Variants in CCSER1 observed in about 807,000 individuals in gnomAD.
CCSER1 encodes serine-rich coiled-coil domain-containing protein 1.
In CCSER1, 41 loss-of-function variants were observed where a neutral mutation model predicts 82.0. The ratio of observed to expected loss-of-function variants is 0.50; its 90% CI spans 0.39 to 0.65. The LOEUF (loss-of-function observed/expected upper bound fraction) is 0.65, where lower values mean the gene tolerates loss of function less well. Among genes scored for constraint, CCSER1 ranks in the 30% least tolerant of loss-of-function variants. The pLI, the probability that CCSER1 is intolerant of heterozygous loss-of-function variation, is 0.00. For synonymous variants in CCSER1, 414 were observed against 383.9 expected (o/e 1.08, Z -0.92); for missense variants, 1,119 against 1,064.2 (o/e 1.05, Z -0.72).
intron 10 of CCSER1, among the ~76,000 whole-genome samples, chr4:91,225,156 A>T (rs1738043727): frequency 1.1e-5 from 1 of 93,840 alleles, no homozygotes; most frequent in Admixed American, 1.2e-4. Context: ...AAGAAATATG[A>T]TATATATATG....
At chr4:90,900,925 T>C (rs1438472143) in intron 8 of CCSER1, among the ~76,000 whole-genome samples, 2 of 151,954 alleles carry the variant, frequency 1.3e-5, no homozygotes, top group African/African-American at 4.8e-5. Context: ...TGACTGTCTA[T>C]CTCTTGGTCT....
chr4:90,932,968 A>AGAGAGAGAG (rs1730179524), intron 9 of CCSER1, among the ~76,000 whole-genome samples: 1 of 44,126 alleles, frequency 2.3e-5, no homozygotes, highest in Non-Finnish European at 4.0e-5. Flanking sequence ...GAAAGAAAGA[A>AGAGAGAGAG]AGAAAGAAAG....
At chr4:91,577,652 C>G (rs137894159) in intron 10 of CCSER1, among the ~76,000 whole-genome samples, 9 of 151,996 alleles carry the variant, frequency 5.9e-5, no homozygotes, top group Middle Eastern at 3.4e-3. Context: ...TGTAACACTC[C>G]GTTAAGCGAT....
chr4:90,174,646 G>A (rs1171675233), intron 1 of CCSER1, among the ~76,000 whole-genome samples: 1 of 151,920 alleles, frequency 6.6e-6, no homozygotes, highest in Non-Finnish European at 1.5e-5. Flanking sequence ...AGCTGCACTC[G>A]AAGAATGCTG....
chr4:90,811,979 TATATATATATAAACAC>T (rs1561180616), intron 7 of CCSER1, among the ~76,000 whole-genome samples: 2 of 108,600 alleles, frequency 1.8e-5, no homozygotes, highest in Admixed American at 1.7e-4. Flanking sequence ...CATATATATA[TATATATATATAAACAC>T]ATATATATAT....
chr4:90,732,813 T>TA (rs1196738188), intron 7 of CCSER1, among the ~76,000 whole-genome samples: 2 of 152,228 alleles, frequency 1.3e-5, no homozygotes, highest in African/African-American at 4.8e-5. Context: ...ATATTTCACT[T>TA]ACCATAATGA....
intron 10 of CCSER1, among the ~76,000 whole-genome samples, chr4:91,178,254 G>T (rs1288526842): frequency 1.3e-5 from 2 of 152,176 alleles, no homozygotes; most frequent in African/African-American, 4.8e-5. Context: ...TTTGGAATAG[G>T]TGTGGTGTGG....
At chr4:91,203,038 GTAGT>G (rs1490779283) in intron 10 of CCSER1, among the ~76,000 whole-genome samples, 1 of 151,900 alleles carries the variant, frequency 6.6e-6, no homozygotes, top group African/African-American at 2.4e-5. Context: ...TCATAAAAAT[GTAGT>G]CACTGTCCGT....
intron 1 of CCSER1, among the ~76,000 whole-genome samples, chr4:90,190,267 A>G (rs975255103): frequency 6.6e-6 from 1 of 152,212 alleles, no homozygotes. Flanking sequence ...GCATATTTGC[A>G]TTCAAGATGA....
At chr4:91,036,846 AG>A (rs1264177493) in intron 9 of CCSER1, among the ~76,000 whole-genome samples, 3 of 152,138 alleles carry the variant, frequency 2.0e-5, no homozygotes, top group Non-Finnish European at 4.4e-5. Flanking sequence ...TGAGAGACCC[AG>A]GCAGGTGGGT....
chr4:90,764,750 A>C (rs1433896199), intron 7 of CCSER1, among the ~76,000 whole-genome samples: 2 of 152,118 alleles, frequency 1.3e-5, no homozygotes, highest in Admixed American at 1.3e-4. Flanking sequence ...AGTTTTAAAA[A>C]CTTTATTTTT....
chr4:91,062,779 T>A (rs946000941), intron 9 of CCSER1, among the ~76,000 whole-genome samples: 1 of 152,120 alleles, frequency 6.6e-6, no homozygotes, highest in African/African-American at 2.4e-5. Flanking sequence ...TAAAATGATT[T>A]TTTTGTCATC....
chr4:90,525,348 TTC>T (rs1773622858), intron 5 of CCSER1, among the ~76,000 whole-genome samples: 1 of 152,122 alleles, frequency 6.6e-6, no homozygotes, highest in South Asian at 2.1e-4. Flanking sequence ...CTTTTATAAT[TTC>T]TGTCTTTATA....
intron 10 of CCSER1, among the ~76,000 whole-genome samples, chr4:91,262,509 T>A (rs532015179): frequency 1.8e-4 from 28 of 152,162 alleles, no homozygotes; most frequent in Middle Eastern, 6.8e-3. Flanking sequence ...GAATATATAC[T>A]AAATTAACAA....
intron 10 of CCSER1, among the ~76,000 whole-genome samples, chr4:91,352,942 T>C (rs1410489006): frequency 6.6e-6 from 1 of 151,900 alleles, no homozygotes; most frequent in Non-Finnish European, 1.5e-5. Context: ...TTCAGTGCAA[T>C]GTTGAAAAAA....
intron 8 of CCSER1, among the ~76,000 whole-genome samples, chr4:90,828,314 T>C (rs906391737): frequency 3.3e-5 from 5 of 150,792 alleles, no homozygotes; most frequent in Non-Finnish European, 7.4e-5. Flanking sequence ...CTTTATATTT[T>C]TATAACATGT....
At chr4:91,095,774 A>G (rs531397530) in intron 10 of CCSER1, among the ~76,000 whole-genome samples, 18 of 152,096 alleles carry the variant, frequency 1.2e-4, no homozygotes, top group Non-Finnish European at 2.4e-4. Flanking sequence ...TCAGCCCTTC[A>G]ATTAATGCCT....
chr4:90,652,183 A>C (rs971351602), intron 6 of CCSER1, among the ~76,000 whole-genome samples: 46 of 152,156 alleles, frequency 3.0e-4, no homozygotes, highest in Non-Finnish European at 1.5e-4. Context: ...TTAAAATTGT[A>C]GGTGTATAAA....
rs554228186 is a variant in CCSER1 at position 90,723,597 on chromosome 4, A to T, written c.1933-317A>T. 3.9e-5 allele frequency among the ~76,000 whole-genome samples: 6 copies of T among 151,982 alleles called. No homozygotes were observed. The East Asian group carries it at 7.7e-4, about 20-fold the overall frequency. ...AATTATTACAGATACAGTTTAATTT[A>T]AAAAAGGTAAAATATAAATTAAGCA... On this transcript the variant is annotated intron_variant, in intron 6 of 10. Transcript: ENST00000509176.
Sources: allele counts gnomAD v4.1 joint callset (sites outside exome capture counted in the v4.1 genomes callset), GRCh38; gene constraint gnomAD v4.1.1; transcripts MANE v1.5; gene names NCBI Gene and HGNC (gene_info 2026-07-23, HGNC 2026-07-21).